COLGALT2: variants seen among roughly 807,000 people sequenced by gnomAD.
COLGALT2 encodes the protein collagen beta(1-O)galactosyltransferase 2.
Under a neutral mutation model 73.4 loss-of-function variants are expected in COLGALT2, and 49 were observed. The ratio of observed to expected loss-of-function variants is 0.67; its 90% CI spans 0.53 to 0.85. COLGALT2 has a LOEUF of 0.85. COLGALT2 is among the 40% of genes least tolerant of loss of function. The pLI is 0.00. For synonymous variants in COLGALT2, 295 were observed against 307.6 expected (o/e 0.96, Z 0.43); for missense variants, 722 against 790.2 (o/e 0.91, Z 1.03).
At chr1:184,036,661 T>C (rs1422028563) in intron 1 of COLGALT2, among the ~76,000 whole-genome samples, 1 of 152,206 alleles carries the variant, frequency 6.6e-6, no homozygotes, top group African/African-American at 2.4e-5. Context: ...TTACGTTCCA[T>C]CTGTCGTATC....
At chr1:183,987,826 G>A (rs1671528366) in intron 1 of COLGALT2, among the ~76,000 whole-genome samples, 1 of 152,210 alleles carries the variant, frequency 6.6e-6, no homozygotes, top group Non-Finnish European at 1.5e-5. Context: ...TGCTGCACTG[G>A]AATGTGTGCC....
chr1:183,953,143 A>T (rs1247317235), intron 7 of COLGALT2, among the ~76,000 whole-genome samples: 2 of 152,202 alleles, frequency 1.3e-5, no homozygotes, highest in Non-Finnish European at 2.9e-5. Context: ...ACGAAGTAAA[A>T]ACACAGATGG....
At position 183,937,090 on chromosome 1, in the gene COLGALT2, G is replaced by A. The variant is rs1669975265; in HGVS notation, c.*1671C>T. The A allele has an allele frequency of 8.1e-7, 1 of 1,231,134 alleles. No individual in the cohort carries two copies. The highest frequency in any genetic ancestry group is 1.6e-5 in the African/African-American group (1 of 64,516). 76.3% of individuals were successfully genotyped at this position (1,231,134 alleles called of 1,614,324 possible). On this transcript the variant is annotated 3_prime_UTR_variant, in exon 12 of 12. Transcript: ENST00000361927. ...AGTGAACTGAAGAATTAGGTGTCTGGCTTAAAGTGTATCTTACACTCGTAC... is the reference window on the plus strand; with the variant it reads ...AGTGAACTGAAGAATTAGGTGTCTGACTTAAAGTGTATCTTACACTCGTAC...
chr1:184,018,536 G>A (rs1256273047), intron 1 of COLGALT2, among the ~76,000 whole-genome samples: 1 of 151,994 alleles, frequency 6.6e-6, no homozygotes, highest in African/African-American at 2.4e-5. Flanking sequence ...TAAACAAAAT[G>A]GAAAACAAAT....
At chr1:184,014,226 C>T (rs913659286) in intron 1 of COLGALT2, among the ~76,000 whole-genome samples, 5 of 152,210 alleles carry the variant, frequency 3.3e-5, no homozygotes, top group East Asian at 3.9e-4. Flanking sequence ...CAGGGGAACA[C>T]CACTTTTAAG....
intron 1 of COLGALT2, among the ~76,000 whole-genome samples, chr1:183,994,507 T>C (rs1671718337): frequency 1.3e-5 from 2 of 152,112 alleles, no homozygotes; most frequent in African/African-American, 2.4e-5. Flanking sequence ...CAGGCTGGAG[T>C]GCAGTGGTGT....
chr1:183,987,554 T>C (rs34373454), intron 1 of COLGALT2, among the ~76,000 whole-genome samples: 1 of 152,248 alleles, frequency 6.6e-6, no homozygotes, highest in Non-Finnish European at 1.5e-5. Flanking sequence ...AATTAACTGG[T>C]TCTATTTCTT....
At position 184,027,777 on chromosome 1, in the gene COLGALT2, C is replaced by T. The variant is rs144235547; in HGVS notation, c.263+9318G>A. 5.4e-3 allele frequency among the ~76,000 whole-genome samples: 825 copies of T among 152,300 alleles called. 4 individuals are homozygous for T. Among genetic ancestry groups the T allele is most frequent in the Middle Eastern group, 0.024 (7 of 294 alleles). On this transcript the variant is annotated intron_variant, in intron 1 of 11. Transcript: ENST00000361927. Reference sequence around the variant, plus strand: ...ATAAAAAGCTTACAATGGAAACCAACGTACCCAATAAATTTTATTAAAATC... The same window carrying T: ...ATAAAAAGCTTACAATGGAAACCAATGTACCCAATAAATTTTATTAAAATC...
chr1:183,969,143 G>C (rs1298320519), intron 5 of COLGALT2, 126 bp downstream of exon 5: 4 of 759,710 alleles, frequency 5.3e-6, no homozygotes, highest in Non-Finnish European at 8.0e-6. Flanking sequence ...GGTTATTGCA[G>C]ACAATTTACT....
At chr1:184,032,909 TA>T (rs1382680645) in intron 1 of COLGALT2, among the ~76,000 whole-genome samples, 6 of 152,194 alleles carry the variant, frequency 3.9e-5, no homozygotes, top group African/African-American at 1.4e-4. Flanking sequence ...AATGCAGAAA[TA>T]AAGTAGTATG....
At chr1:183,932,079 C>T (rs570134493), downstream of COLGALT2, among the ~76,000 whole-genome samples, 4 of 152,148 alleles carry the variant, frequency 2.6e-5, no homozygotes, top group East Asian at 7.7e-4. Flanking sequence ...GTTAGAAGTG[C>T]CAGCTTTATG....
At chr1:184,013,575 C>T (rs544202266) in intron 1 of COLGALT2, among the ~76,000 whole-genome samples, 31 of 152,186 alleles carry the variant, frequency 2.0e-4, no homozygotes, top group Non-Finnish European at 3.2e-4. Context: ...TGGGGAAGGA[C>T]GGGGCGGGAG....
intron 4 of COLGALT2, among the ~76,000 whole-genome samples, chr1:183,971,303 T>G (rs986002813): frequency 6.6e-5 from 10 of 152,174 alleles, no homozygotes; most frequent in Non-Finnish European, 1.5e-5. Flanking sequence ...CTAACTGGGA[T>G]GGTAGAAAGC....
chr1:183,981,187 C>T (rs10797925), intron 1 of COLGALT2, among the ~76,000 whole-genome samples: 9,524 of 152,086 alleles, frequency 0.063, 716 homozygotes, highest in East Asian at 0.41. Context: ...CATATACTCC[C>T]TGTATCTAAA....
intron 1 of COLGALT2, among the ~76,000 whole-genome samples, chr1:184,024,159 T>C (rs1474728071): frequency 2.6e-5 from 4 of 152,026 alleles, no homozygotes; most frequent in Admixed American, 1.3e-4. Context: ...GCTAGAAAAG[T>C]CTTGAAAGAT....
At chr1:183,947,132 A>G (rs958664443) in intron 8 of COLGALT2, among the ~76,000 whole-genome samples, 1 of 152,248 alleles carries the variant, frequency 6.6e-6, no homozygotes, top group Non-Finnish European at 1.5e-5. Context: ...GAAAGGAGAA[A>G]CAGACAATTC....
intron 6 of COLGALT2, among the ~76,000 whole-genome samples, chr1:183,962,235 C>A (rs2102806006): frequency 7.1e-6 from 1 of 140,630 alleles, no homozygotes. Context: ...TCTTGGCTCA[C>A]TGCAACCTCT....
chr1:183,994,902 C>A (rs185758967), intron 1 of COLGALT2, among the ~76,000 whole-genome samples: 70 of 152,064 alleles, frequency 4.6e-4, no homozygotes, highest in Admixed American at 1.2e-3. Context: ...GAAAATAAAG[C>A]CAAATGTATT....
intron 1 of COLGALT2, among the ~76,000 whole-genome samples, chr1:183,979,815 C>T (rs1233079390): frequency 6.6e-6 from 1 of 152,070 alleles, no homozygotes; most frequent in South Asian, 2.1e-4. Flanking sequence ...ATCTGTACAA[C>T]ATACTAATAG....
Sources: gnomAD v4.1 joint callset for allele counts (sites outside exome capture counted in the v4.1 genomes callset) on GRCh38, gnomAD v4.1.1 for gene constraint, MANE v1.5 for transcripts, NCBI Gene and HGNC (gene_info 2026-07-23, HGNC 2026-07-21) for gene names.